Variants in MLLT1 observed in about 807,000 individuals in gnomAD.
The protein encoded by MLLT1 is MLLT1 super elongation complex subunit.
Under a neutral mutation model 55.1 loss-of-function variants are expected in MLLT1, and 11 were observed. That is an observed-to-expected ratio of 0.20 (90% CI 0.13 to 0.33). The LOEUF is 0.33. Among genes scored for constraint, MLLT1 ranks in the 10% least tolerant of loss-of-function variants. The probability of loss-of-function intolerance (pLI) is 1.00; values close to 1 mark genes in which losing one functional copy is unlikely to be tolerated. For missense variants in MLLT1, 536 were observed against 760.6 expected, an observed-to-expected ratio of 0.70 and a Z score of 3.47; for synonymous variants, 323 against 320.1, an observed-to-expected ratio of 1.01 and a Z score of -0.10.
Position 6,262,110 on chromosome 19 carries a change from T to C in MLLT1, c.276+118A>G. ...GACCAGCACCCCCCGCAGCACTCAC[T>C]GGAATGTCTGTGCATGGGCAGCGGC... On this transcript the variant is annotated intron_variant, in intron 3 of 11. Coordinates refer to ENST00000252674, the MANE Select transcript of MLLT1 (RefSeq NM_005934.4). The surrounding 1 kb of genome is among the most constrained non-coding windows in gnomAD (Gnocchi z 4.4). 1 of 777,480 alleles carries C rather than the reference T, an allele frequency of 1.3e-6. No homozygotes were observed. Among genetic ancestry groups the C allele is most frequent in the Admixed American group, 2.0e-5 (1 of 49,360 alleles). 48.2% of individuals were successfully genotyped at this position (777,480 alleles called of 1,614,324 possible).
Position 6,211,203 on chromosome 19 carries a change from T to C in MLLT1, c.*1839A>G. 4.3e-6 allele frequency: 1 copy of C among 232,600 alleles called. No homozygotes were observed. The highest frequency in any genetic ancestry group is 8.5e-6 in the Non-Finnish European group (1 of 117,730). 14.4% of individuals were successfully genotyped at this position (232,600 alleles called of 1,614,324 possible). ...CAGTTCCTTCAGTCCAATGTCTTAG[T>C]TTCCAGAGAAGAAAGGAAGCGCCCC... On this transcript the variant is annotated 3_prime_UTR_variant, in exon 12 of 12. Coordinates refer to ENST00000252674, the MANE Select transcript of MLLT1 (RefSeq NM_005934.4). This position sits in a 1 kb window ranked among gnomAD's most constrained non-coding sequence, Gnocchi z 4.6.
intron 1 of MLLT1, among the ~76,000 whole-genome samples, chr19:6,275,805 G>C (rs568906386): frequency 6.6e-6 from 1 of 152,320 alleles, no homozygotes; most frequent in Middle Eastern, 3.4e-3. Flanking sequence ...GGAAATGCAA[G>C]TTCCCCTTTA....
rs1203249345 is a variant in MLLT1 at position 6,212,720 on chromosome 19, G to A, written c.*322C>T. ...CGCCGCACAGCCCGCCGAGCAGTGG[G>A]GGCTGGTCCCAAGGCTGGGCGAGGG... On this transcript the variant is annotated 3_prime_UTR_variant, in exon 12 of 12. Coordinates refer to ENST00000252674, the MANE Select transcript of MLLT1 (RefSeq NM_005934.4). 4 of 1,156,336 alleles carry A rather than the reference G, an allele frequency of 3.5e-6. 1 individual carries two copies. Among genetic ancestry groups the A allele is most frequent in the Non-Finnish European group, 1.1e-6 (1 of 933,732 alleles). The allele number at this position is 1,156,336 out of a possible 1,614,324, so 71.6% of individuals were successfully genotyped here.
At chr19:6,249,152 GA>G (rs1386245000) in intron 3 of MLLT1, among the ~76,000 whole-genome samples, 3 of 152,062 alleles carry the variant, frequency 2.0e-5, no homozygotes, top group Non-Finnish European at 4.4e-5. Flanking sequence ...GACTTGGTAT[GA>G]AAAAAGAATG....
intron 2 of MLLT1, among the ~76,000 whole-genome samples, chr19:6,266,578 T>C (rs2091351102): frequency 6.6e-6 from 1 of 152,146 alleles, no homozygotes. Flanking sequence ...TGCCTCGGCC[T>C]CCCGAGTAGC....
intron 3 of MLLT1, among the ~76,000 whole-genome samples, chr19:6,259,005 C>T (rs577567751): frequency 5.3e-5 from 8 of 152,338 alleles, no homozygotes; most frequent in African/African-American, 1.4e-4. Context: ...GAGAAGCAGA[C>T]GCAGCCAGAA....
intron 3 of MLLT1, among the ~76,000 whole-genome samples, chr19:6,248,955 G>C (rs568467036): frequency 1.3e-5 from 2 of 152,278 alleles, no homozygotes; most frequent in East Asian, 3.9e-4. Context: ...GAGATTCCCA[G>C]TCAGGAACCA....
At position 6,256,160 on chromosome 19, in the gene MLLT1, T is replaced by C. The variant is rs770109836; in HGVS notation, c.276+6068A>G. On this transcript the variant is annotated intron_variant, in intron 3 of 11. Coordinates refer to ENST00000252674, the MANE Select transcript of MLLT1 (RefSeq NM_005934.4). The surrounding 1 kb of genome is among the most constrained non-coding windows in gnomAD (Gnocchi z 4.1). The stretch of plus-strand genomic sequence containing the variant: ...TGAACCTGGGAGGCAGAGGTTGCGA[T>C]GAGCCAGGATCGTGCCACTGCACTC... Among the ~76,000 whole-genome samples the C allele has an allele frequency of 6.6e-6, 1 of 151,722 alleles. No individual in the cohort carries two copies. Among genetic ancestry groups the C allele is most frequent in the African/African-American group, 2.4e-5 (1 of 41,180 alleles).
chr19:6,225,198 T>C lies in MLLT1; in HGVS notation c.546+1779A>G, dbSNP rs866636477. On this transcript the variant is annotated intron_variant, in intron 5 of 11. Coordinates refer to ENST00000252674, the MANE Select transcript of MLLT1 (RefSeq NM_005934.4). ...GTGGTTCCTGCCTGCCACGCCACTC[T>C]TGGGTGGTGGCTGTGAAGTGGGGAC... 3.3e-5 allele frequency among the ~76,000 whole-genome samples: 5 copies of C among 152,244 alleles called. No homozygotes were observed. The South Asian group carries it at 6.2e-4, about 19-fold the overall frequency.
chr19:6,275,856 C>T (rs1369041507), intron 1 of MLLT1, among the ~76,000 whole-genome samples: 1 of 152,242 alleles, frequency 6.6e-6, no homozygotes, highest in Non-Finnish European at 1.5e-5. Context: ...TCTCTGACCA[C>T]ATTGTCAGGG....
intron 2 of MLLT1, among the ~76,000 whole-genome samples, chr19:6,265,074 AC>A (rs2091338838): frequency 4.1e-5 from 6 of 145,776 alleles, no homozygotes; most frequent in South Asian, 2.2e-4. Flanking sequence ...ACAAAAAAAA[AC>A]ATGATGTCAT....
intron 3 of MLLT1, among the ~76,000 whole-genome samples, chr19:6,253,460 T>C (rs1372117980): frequency 6.6e-6 from 1 of 151,974 alleles, no homozygotes; most frequent in Non-Finnish European, 1.5e-5. Context: ...GAGGAGGGAA[T>C]ACCTCCTAAC....
Position 6,227,462 on chromosome 19 carries a change from G to A in MLLT1, c.421-360C>T, listed in dbSNP as rs1055735554. 1.6e-4 allele frequency among the ~76,000 whole-genome samples: 24 copies of A among 152,246 alleles called. No individual in the cohort carries two copies. Among genetic ancestry groups the A allele is most frequent in the South Asian group, 4.1e-4 (2 of 4,832 alleles). On this transcript the variant is annotated intron_variant, in intron 4 of 11. Coordinates refer to ENST00000252674, the MANE Select transcript of MLLT1 (RefSeq NM_005934.4). The surrounding 1 kb of genome is among the most constrained non-coding windows in gnomAD (Gnocchi z 5.1). ...GCCTGACCTACGCGCTTAGGTTTAG[G>A]GGGAACAGCTCAGAAGTGTGAGAGG...
At chr19:6,248,847 T>C (rs530952523) in intron 3 of MLLT1, among the ~76,000 whole-genome samples, 9 of 152,104 alleles carry the variant, frequency 5.9e-5, no homozygotes, top group South Asian at 2.1e-4. Context: ...TTAAGGGAGG[T>C]TGGGTTGTGG....
intron 3 of MLLT1, among the ~76,000 whole-genome samples, chr19:6,236,654 T>C (rs2091063843): frequency 6.6e-6 from 1 of 152,144 alleles, no homozygotes; most frequent in African/African-American, 2.4e-5. Context: ...TGGGAATGAC[T>C]AAACGGCATG....
chr19:6,278,145 C>G (rs1365615791), intron 1 of MLLT1, among the ~76,000 whole-genome samples: 5 of 152,236 alleles, frequency 3.3e-5, no homozygotes, highest in African/African-American at 1.2e-4. Context: ...ACGCCCCAAC[C>G]TGCCCTCTCT....
intron 3 of MLLT1, among the ~76,000 whole-genome samples, chr19:6,249,798 G>A (rs116898153): frequency 1.3e-5 from 2 of 152,104 alleles, no homozygotes; most frequent in African/African-American, 2.4e-5. Context: ...CTAGGTGGGC[G>A]GATCGCTTGA....
At chr19:6,266,052 G>A (rs958461845) in intron 2 of MLLT1, among the ~76,000 whole-genome samples, 12 of 152,096 alleles carry the variant, frequency 7.9e-5, no homozygotes, top group Non-Finnish European at 1.6e-4. Context: ...AGGCCAAGGC[G>A]GGAAGATTTT....
At chr19:6,238,392 T>C (rs953266421) in intron 3 of MLLT1, among the ~76,000 whole-genome samples, 9 of 152,238 alleles carry the variant, frequency 5.9e-5, no homozygotes, top group Non-Finnish European at 1.2e-4. Context: ...CAGGAAATAT[T>C]AGCAGATTAG....
Sources: allele counts gnomAD v4.1 joint callset (sites outside exome capture counted in the v4.1 genomes callset), GRCh38; gene constraint gnomAD v4.1.1; non-coding constraint Gnocchi (gnomAD v3.1); transcripts MANE v1.5; gene names NCBI Gene and HGNC (gene_info 2026-07-23, HGNC 2026-07-21).